Variants in DLGAP1 observed in about 807,000 individuals in gnomAD.
The protein encoded by DLGAP1 is disks large-associated protein 1.
In DLGAP1, 11 loss-of-function variants were observed where a neutral mutation model predicts 90.8. The ratio of observed to expected loss-of-function variants is 0.12; its 90% CI spans 0.08 to 0.20. The LOEUF is 0.20. DLGAP1 is among the 10% of genes least tolerant of loss of function. The pLI, the probability that DLGAP1 is intolerant of heterozygous loss-of-function variation, is 1.00. For missense variants in DLGAP1, 1,050 were observed against 1,333.8 expected, an observed-to-expected ratio of 0.79 and a Z score of 3.31; for synonymous variants, 558 against 540.7, an observed-to-expected ratio of 1.03 and a Z score of -0.44.
chr18:3,689,667 A>C (rs1056752787), intron 7 of DLGAP1, among the ~76,000 whole-genome samples: 2 of 152,214 alleles, frequency 1.3e-5, no homozygotes, highest in African/African-American at 4.8e-5. Context: ...TCTAGGACCC[A>C]CACAAATATA....
chr18:3,794,730 G>GTCACCTAAT (rs1180912589), intron 5 of DLGAP1, among the ~76,000 whole-genome samples: 3 of 152,238 alleles, frequency 2.0e-5, no homozygotes, highest in Admixed American at 1.3e-4. Context: ...TGGCAGAAAT[G>GTCACCTAAT]TCACCTAATT....
chr18:3,570,231 T>C (rs1247823118), intron 8 of DLGAP1, among the ~76,000 whole-genome samples: 1 of 151,944 alleles, frequency 6.6e-6, no homozygotes, highest in Non-Finnish European at 1.5e-5. Context: ...GACCTGTTTC[T>C]GGCCTATTGA....
chr18:3,569,793 T>A (rs1328136029), intron 8 of DLGAP1, among the ~76,000 whole-genome samples: 1 of 151,988 alleles, frequency 6.6e-6, no homozygotes, highest in Non-Finnish European at 1.5e-5. Context: ...GATACCAAAC[T>A]TTACTCACAT....
intron 1 of DLGAP1, among the ~76,000 whole-genome samples, chr18:4,289,882 T>C (rs2079803732): frequency 6.6e-6 from 1 of 152,180 alleles, no homozygotes; most frequent in Non-Finnish European, 1.5e-5. Flanking sequence ...TATAAATCAT[T>C]TATGCACCCA....
At position 3,941,675 on chromosome 18, in the gene DLGAP1, A is replaced by AT. The variant is rs199748203; in HGVS notation, c.-72-61536dup. ...TTAATATTTTTTGTAATATAAAAAC[A>AT]TTTTTTTCTGGAAAAGGTACATAAC... On this transcript the variant is annotated intron_variant, in intron 3 of 12. Coordinates refer to ENST00000315677, the MANE Select transcript of DLGAP1 (RefSeq NM_004746.4). Among the ~76,000 whole-genome samples, 1,196 of 152,204 alleles carry AT rather than the reference A, an allele frequency of 7.9e-3. 13 individuals are homozygous for AT. Among genetic ancestry groups the AT allele is most frequent in the African/African-American group, 0.027 (1,140 of 41,522 alleles).
chr18:4,164,789 A>G (rs907850196), intron 1 of DLGAP1, among the ~76,000 whole-genome samples: 7 of 152,194 alleles, frequency 4.6e-5, no homozygotes, highest in Non-Finnish European at 1.0e-4. Context: ...AGAAACAGAA[A>G]TTATAAAAAA....
chr18:4,417,132 A>G (rs2082918289), intron 1 of DLGAP1, among the ~76,000 whole-genome samples: 1 of 152,052 alleles, frequency 6.6e-6, no homozygotes, highest in Non-Finnish European at 1.5e-5. Context: ...CTCCCTCATG[A>G]GTTTGCAGTG....
intron 2 of DLGAP1, among the ~76,000 whole-genome samples, chr18:4,121,108 G>A (rs61393207): frequency 0.071 from 10,864 of 152,200 alleles, 1,305 homozygotes; most frequent in African/African-American, 0.24. Flanking sequence ...GCAAGTTGGG[G>A]TGTGTGAGGT....
intron 4 of DLGAP1, among the ~76,000 whole-genome samples, chr18:3,856,052 G>T (rs1296829926): frequency 6.6e-6 from 1 of 152,186 alleles, no homozygotes; most frequent in African/African-American, 2.4e-5. Flanking sequence ...CTTTTCTAGA[G>T]ATCACTGGTA....
chr18:4,431,171 C>T (rs1296587501), intron 1 of DLGAP1: 1 of 152,698 alleles, frequency 6.5e-6, no homozygotes, highest in Non-Finnish European at 1.5e-5. Flanking sequence ...AATGAGAAGG[C>T]TCTGTAACAA....
chr18:3,901,976 C>T (rs915321685), intron 3 of DLGAP1, among the ~76,000 whole-genome samples: 82 of 152,220 alleles, frequency 5.4e-4, no homozygotes, highest in African/African-American at 1.7e-3. Context: ...CTTGTCTTTC[C>T]GCTCCACCAA....
Position 4,084,157 on chromosome 18 carries a change from C to T in DLGAP1, c.-159+67023G>A, listed in dbSNP as rs1265617463. Among the ~76,000 whole-genome samples the T allele has an allele frequency of 6.6e-6, 1 of 152,152 alleles. No homozygotes were observed. Among genetic ancestry groups the T allele is most frequent in the African/African-American group, 2.4e-5 (1 of 41,440 alleles). On this transcript the variant is annotated intron_variant, in intron 2 of 12. Coordinates refer to ENST00000315677, the MANE Select transcript of DLGAP1 (RefSeq NM_004746.4). This position sits in a 1 kb window ranked among gnomAD's most constrained non-coding sequence, Gnocchi z 4.0. Reference sequence around the variant, plus strand: ...GGTTTCCTCCCATCTCCTGTTTGAGCAGCCCTGTGATTAAACTTCCTTCTC... The same window carrying T: ...GGTTTCCTCCCATCTCCTGTTTGAGTAGCCCTGTGATTAAACTTCCTTCTC...
chr18:3,793,685 C>T (rs1232641665), intron 5 of DLGAP1, among the ~76,000 whole-genome samples: 2 of 152,134 alleles, frequency 1.3e-5, no homozygotes, highest in Admixed American at 6.5e-5. Flanking sequence ...TCTGCTGTGG[C>T]CACCCCTGCT....
chr18:3,600,881 G>GATATATATAGATAT (rs2056931862), intron 7 of DLGAP1, among the ~76,000 whole-genome samples: 4 of 9,922 alleles, frequency 4.0e-4, no homozygotes, highest in Admixed American at 6.8e-4. Context: ...TAGATATATA[G>GATATATATAGATAT]ATAGATATAT....
chr18:4,085,152 T>A (rs576179511), intron 2 of DLGAP1, among the ~76,000 whole-genome samples: 44 of 152,208 alleles, frequency 2.9e-4, no homozygotes, highest in Non-Finnish European at 4.6e-4. Context: ...TAGAATTAAG[T>A]GGGTAAATAA....
intron 4 of DLGAP1, among the ~76,000 whole-genome samples, chr18:3,855,292 A>G (rs1179908377): frequency 6.6e-6 from 1 of 152,120 alleles, no homozygotes; most frequent in Admixed American, 6.5e-5. Context: ...GGGTGGAGGG[A>G]GGGAGGAAGG....
intron 1 of DLGAP1, among the ~76,000 whole-genome samples, chr18:4,453,234 C>A (rs575609667): frequency 6.6e-6 from 1 of 152,212 alleles, no homozygotes; most frequent in East Asian, 1.9e-4. Flanking sequence ...TTGTTTCATG[C>A]CAGAGTATGA....
chr18:3,499,404 G>C lies in DLGAP1; in HGVS notation c.2725-10C>G. The stretch of plus-strand genomic sequence containing the variant: ...GAGGGGCCCTTCTCTCCTGATCAAA[G>C]CAGAAGGTTCAGGACATTACACAGC... On this transcript the variant is annotated splice_polypyrimidine_tract_variant and intron_variant, in intron 12 of 12. Transcript: ENST00000315677. This position sits in a 1 kb window ranked among gnomAD's most constrained non-coding sequence, Gnocchi z 6.4. The C allele has an allele frequency of 6.5e-7, 1 of 1,549,026 alleles. No individual in the cohort carries two copies. The highest frequency in any genetic ancestry group is 8.7e-7 in the Non-Finnish European group (1 of 1,146,372).
chr18:4,266,975 T>TAA (rs1308598102), intron 1 of DLGAP1, among the ~76,000 whole-genome samples: 1 of 152,230 alleles, frequency 6.6e-6, no homozygotes, highest in Non-Finnish European at 1.5e-5. Flanking sequence ...GTGCTGAGTT[T>TAA]ACTAATGTGC....
Sources: allele counts gnomAD v4.1 joint callset (sites outside exome capture counted in the v4.1 genomes callset), GRCh38; gene constraint gnomAD v4.1.1; non-coding constraint Gnocchi (gnomAD v3.1); transcripts MANE v1.5; gene names NCBI Gene and HGNC (gene_info 2026-07-23, HGNC 2026-07-21).